Variants in DENND4A observed in about 807,000 individuals in gnomAD.
The protein encoded by DENND4A is C-myc promoter-binding protein.
DENND4A carries 70 observed loss-of-function variants against 199.3 expected under a neutral mutation model. That is an observed-to-expected ratio of 0.35 (90% CI 0.29 to 0.43). The LOEUF (loss-of-function observed/expected upper bound fraction) is 0.43. Ranked by LOEUF, DENND4A falls within the 20% of genes least tolerant of loss-of-function variation. The pLI, the probability that DENND4A is intolerant of heterozygous loss-of-function variation, is 1.00. For synonymous variants in DENND4A, 686 were observed against 766.9 expected (o/e 0.89, Z 1.74); for missense variants, 1,723 against 2,255.8 (o/e 0.76, Z 4.78).
At chr15:65,774,364 C>A (rs534763349) in intron 1 of DENND4A, among the ~76,000 whole-genome samples, 1 of 152,312 alleles carries the variant, frequency 6.6e-6, no homozygotes, top group South Asian at 2.1e-4. Flanking sequence ...GTGGCGCATG[C>A]CTGTAATCTC....
intron 1 of DENND4A, among the ~76,000 whole-genome samples, chr15:65,779,409 T>C (rs903357578): frequency 2.7e-5 from 4 of 149,188 alleles, no homozygotes; most frequent in Admixed American, 2.7e-4. Context: ...TGAGCCGAGA[T>C]TGCACCCCAG....
intron 4 of DENND4A, among the ~76,000 whole-genome samples, chr15:65,748,693 A>T (rs141915574): frequency 4.6e-5 from 7 of 152,072 alleles, no homozygotes; most frequent in Admixed American, 1.3e-4. Context: ...TTTTGTGATT[A>T]AAAACCCAAT....
chr15:65,729,850 G>C (rs2075907500), intron 9 of DENND4A, among the ~76,000 whole-genome samples, 172 bp from the exon 10 acceptor site: 1 of 152,014 alleles, frequency 6.6e-6, no homozygotes. Context: ...TATGATGCAG[G>C]GAAAACACTG....
At chr15:65,665,227 T>C (rs2075996226) in intron 30 of DENND4A, 118 bp downstream of exon 30, 1 of 723,472 alleles carries the variant, frequency 1.4e-6, no homozygotes, top group Non-Finnish European at 2.2e-6. Context: ...GACTTTGACC[T>C]GTAAGACAAA....
chr15:65,719,868 C>A (rs1354444249), intron 12 of DENND4A, among the ~76,000 whole-genome samples: 1 of 152,024 alleles, frequency 6.6e-6, no homozygotes, highest in Non-Finnish European at 1.5e-5. Context: ...GCACTCCAGC[C>A]TGGGTGACAC....
At chr15:65,725,071 T>G (rs1332298618) in intron 11 of DENND4A, among the ~76,000 whole-genome samples, 1 of 152,212 alleles carries the variant, frequency 6.6e-6, no homozygotes, top group Non-Finnish European at 1.5e-5. Flanking sequence ...CTTTGATATC[T>G]TCCCTCTAAA....
intron 1 of DENND4A, among the ~76,000 whole-genome samples, chr15:65,788,511 T>C (rs1190647727): frequency 6.6e-6 from 1 of 152,184 alleles, no homozygotes; most frequent in African/African-American, 2.4e-5. Flanking sequence ...GCAATAGTTA[T>C]TTGGGATTTT....
At position 65,750,304 on chromosome 15, in the gene DENND4A, T is replaced by C. The variant is rs140628864; in HGVS notation, c.561+2075A>G. ...TATTGGGTATACCTGGACATAAAGA[T>C]AGGAACAAAAGACGCTGGGGACTAC... is the stretch of plus-strand genomic sequence containing the variant. On this transcript the variant is annotated intron_variant, in intron 4 of 32. Coordinates refer to ENST00000443035, the MANE Select transcript of DENND4A (RefSeq NM_001320835.1). Among the ~76,000 whole-genome samples the C allele has an allele frequency of 3.2e-3, 488 of 152,060 alleles. 5 individuals are homozygous for C. The highest frequency in any genetic ancestry group is 0.011 in the African/African-American group (467 of 41,490).
intron 1 of DENND4A, among the ~76,000 whole-genome samples, chr15:65,785,866 T>C (rs974841941): frequency 4.6e-5 from 7 of 152,076 alleles, no homozygotes; most frequent in African/African-American, 1.7e-4. Context: ...ATCTGGAAAC[T>C]TCAAAAGCCA....
chr15:65,746,481 G>A (rs923453756), intron 4 of DENND4A, among the ~76,000 whole-genome samples: 3 of 130,232 alleles, frequency 2.3e-5, no homozygotes, highest in Non-Finnish European at 4.7e-5. Context: ...CTGCCTCCCA[G>A]GTTAAAGCAA....
At position 65,756,492 on chromosome 15, in the gene DENND4A, C is replaced by T. The variant is rs1479435279; in HGVS notation, c.-22-20G>A. The T allele has an allele frequency of 6.6e-7, 1 of 1,526,436 alleles. No homozygotes were observed. Among genetic ancestry groups the T allele is most frequent in the African/African-American group, 1.4e-5 (1 of 71,906 alleles). The allele number at this position is 1,526,436 out of a possible 1,614,324, so 94.6% of individuals were successfully genotyped here. A position where few individuals can be genotyped will look rare whatever the true frequency, so the allele number is the denominator to read the frequency against. On this transcript the variant is annotated intron_variant, in intron 2 of 32. Transcript: ENST00000443035. The stretch of plus-strand genomic sequence containing the variant: ...TTACATCTAAAAGGAAAGTAAAAGA[C>T]TAGTACTCCCCTATAATAAGCAAAA...
intron 6 of DENND4A, 121 bp downstream of exon 6, chr15:65,738,585 A>T: frequency 1.2e-6 from 1 of 814,482 alleles, no homozygotes; most frequent in Non-Finnish European, 1.8e-6. Flanking sequence ...TATTTTAATC[A>T]ACTGGAAAAG....
intron 1 of DENND4A, among the ~76,000 whole-genome samples, chr15:65,767,723 G>A (rs1017966823): frequency 6.6e-6 from 1 of 152,120 alleles, no homozygotes; most frequent in Non-Finnish European, 1.5e-5. Context: ...ATTTAGTGTT[G>A]AATGAAATCA....
chr15:65,751,422 T>C (rs1486562830), intron 4 of DENND4A, among the ~76,000 whole-genome samples: 1 of 152,154 alleles, frequency 6.6e-6, no homozygotes, highest in African/African-American at 2.4e-5. Flanking sequence ...GATGCTTCAT[T>C]AGATGAGATA....
In DENND4A at chr15:65,752,391, G is replaced by A. The variant is rs777314402; in HGVS notation, c.549C>T (p.Leu183=). 3.3e-6 allele frequency: 5 copies of A among 1,510,750 alleles called. No homozygotes were observed. In the African/African-American group the frequency reaches 7.1e-5, roughly 21 times the overall value. The allele number at this position is 1,510,750 out of a possible 1,614,324, so 93.6% of individuals were successfully genotyped here. ...GTAAGTCACTTACCATACTGTTATT[G>A]AGATTCTTGTCGACTTTGCAGAACG... The part of the protein sequence containing the change: ...PHTFCKVDKN[L]NNSMWGSAVY... The change falls in exon 4 of 33, where the codon CTC becomes CTT. Residue 183 remains leucine, a synonymous_variant. Coordinates refer to ENST00000443035, the MANE Select transcript of DENND4A (RefSeq NM_001320835.1).
intron 7 of DENND4A, among the ~76,000 whole-genome samples, chr15:65,734,569 G>C (rs575410701): frequency 6.1e-4 from 92 of 151,874 alleles, no homozygotes; most frequent in African/African-American, 2.1e-3. Flanking sequence ...CAAGTCTCTT[G>C]TTCCACCTAA....
At chr15:65,785,776 T>C (rs138490742) in intron 1 of DENND4A, among the ~76,000 whole-genome samples, 140 of 152,174 alleles carry the variant, frequency 9.2e-4, no homozygotes, top group African/African-American at 3.1e-3. Context: ...AGAAAGTACA[T>C]TGGAAAGCTC....
chr15:65,671,726 T>TA, intron 25 of DENND4A, 66 bp downstream of exon 25: 3 of 1,127,432 alleles, frequency 2.7e-6, no homozygotes, highest in Non-Finnish European at 4.1e-6. Flanking sequence ...CTGGGACCAC[T>TA]AATACTTAAG....
chr15:65,697,751 A>C (rs2077196451), intron 20 of DENND4A, among the ~76,000 whole-genome samples: 1 of 152,206 alleles, frequency 6.6e-6, no homozygotes, highest in Non-Finnish European at 1.5e-5. Context: ...AGCAATGGAG[A>C]AATCTGTAAA....
Sources: allele counts gnomAD v4.1 joint callset (sites outside exome capture counted in the v4.1 genomes callset), GRCh38; gene constraint gnomAD v4.1.1; transcripts MANE v1.5; gene names NCBI Gene and HGNC (gene_info 2026-07-23, HGNC 2026-07-21).